Variants in THSD7B observed in about 807,000 individuals in gnomAD.
THSD7B encodes thrombospondin type-1 domain-containing protein 7B.
Under a neutral mutation model 213.6 loss-of-function variants are expected in THSD7B, and 138 were observed. The ratio of observed to expected loss-of-function variants is 0.65; its 90% CI spans 0.56 to 0.74. The LOEUF is 0.74. THSD7B is among the 30% of genes least tolerant of loss of function. The pLI is 0.00. For missense variants in THSD7B, 1,931 were observed against 1,991.5 expected, an observed-to-expected ratio of 0.97 and a Z score of 0.58; for synonymous variants, 742 against 687.0, an observed-to-expected ratio of 1.08 and a Z score of -1.25.
chr2:136,884,260 A>G (rs984826194), intron 2 of THSD7B, among the ~76,000 whole-genome samples: 1 of 152,248 alleles, frequency 6.6e-6, no homozygotes, highest in East Asian at 1.9e-4. Flanking sequence ...GTGTAAGGAC[A>G]GGAACAAGGG....
intron 15 of THSD7B, among the ~76,000 whole-genome samples, chr2:137,487,248 G>T (rs1196207588): frequency 6.8e-6 from 1 of 147,630 alleles, no homozygotes; most frequent in East Asian, 2.0e-4. Flanking sequence ...GGCGCCTGTA[G>T]TCCCAGCTAC....
chr2:137,015,469 C>A (rs1686321292), intron 2 of THSD7B, among the ~76,000 whole-genome samples: 1 of 152,122 alleles, frequency 6.6e-6, no homozygotes, highest in African/African-American at 2.4e-5. Context: ...GTCCCAGCAG[C>A]TTTCTGCTGC....
intron 2 of THSD7B, among the ~76,000 whole-genome samples, chr2:136,998,777 A>G (rs1270511668): frequency 6.6e-6 from 1 of 152,126 alleles, no homozygotes; most frequent in Non-Finnish European, 1.5e-5. Context: ...TCAAGTTCTG[A>G]GTCTAAAGTT....
chr2:136,798,249 AT>A (rs1424830768), intron 1 of THSD7B, among the ~76,000 whole-genome samples: 1 of 149,762 alleles, frequency 6.7e-6, no homozygotes, highest in Non-Finnish European at 1.5e-5. Context: ...AGCAACCCCT[AT>A]TTTATACATT....
chr2:137,077,471 A>C (rs1214312151), intron 3 of THSD7B, among the ~76,000 whole-genome samples: 7 of 152,072 alleles, frequency 4.6e-5, no homozygotes, highest in Non-Finnish European at 8.8e-5. Context: ...ATTTCTCCAC[A>C]TCCTCTCCAG....
intron 7 of THSD7B, among the ~76,000 whole-genome samples, chr2:137,196,422 C>T (rs1680764498): frequency 7.9e-6 from 1 of 125,880 alleles, no homozygotes; most frequent in Non-Finnish European, 1.6e-5. Context: ...CGTTTCGCAG[C>T]TAATCCAGGT....
At chr2:137,145,460 AC>A (rs1368543988) in intron 5 of THSD7B, among the ~76,000 whole-genome samples, 10 of 152,030 alleles carry the variant, frequency 6.6e-5, no homozygotes, top group African/African-American at 2.4e-4. Context: ...AAAGTGCCTT[AC>A]CATTATCTGT....
intron 5 of THSD7B, among the ~76,000 whole-genome samples, chr2:137,138,832 G>T (rs1024749873): frequency 3.3e-5 from 5 of 152,012 alleles, no homozygotes; most frequent in African/African-American, 1.2e-4. Context: ...TATCAAATTT[G>T]TTTCTTTTGA....
intron 23 of THSD7B, 36 bp from the exon 24 acceptor site, chr2:137,657,029 G>T: frequency 6.2e-7 from 1 of 1,613,060 alleles, no homozygotes; most frequent in Non-Finnish European, 8.5e-7. Context: ...TCTAAGTGAG[G>T]TGTAATAGAA....
intron 4 of THSD7B, among the ~76,000 whole-genome samples, chr2:137,108,501 G>A (rs985779540): frequency 1.3e-5 from 2 of 151,910 alleles, no homozygotes; most frequent in African/African-American, 2.4e-5. Flanking sequence ...TGATTCCTTC[G>A]GTGGGACAGC....
Position 137,096,312 on chromosome 2 carries a change from TG to T in THSD7B, c.1199+1192del, listed in dbSNP as rs376368425. On this transcript the variant is annotated intron_variant, in intron 4 of 27. Coordinates refer to ENST00000409968, the MANE Select transcript of THSD7B (RefSeq NM_001316349.2). ...TTTTCTGTATGAATTAGTGATTTGG[TG>T]ATGTGTGAAGGGTATGGGTTACTGA... is the stretch of plus-strand genomic sequence containing the variant. Among the ~76,000 whole-genome samples the T allele has an allele frequency of 2.0e-4, 30 of 152,170 alleles. No homozygotes were observed. The East Asian group carries it at 5.8e-3, about 29-fold the overall frequency.
At chr2:137,110,920 G>A (rs1330070647) in intron 4 of THSD7B, among the ~76,000 whole-genome samples, 1 of 152,168 alleles carries the variant, frequency 6.6e-6, no homozygotes, top group East Asian at 1.9e-4. Flanking sequence ...TTGGTAAATT[G>A]ACATGCTGTA....
chr2:137,017,214 C>G (rs1686357666), intron 2 of THSD7B, among the ~76,000 whole-genome samples: 1 of 150,174 alleles, frequency 6.7e-6, no homozygotes, highest in Non-Finnish European at 1.5e-5. Flanking sequence ...CTATTCTTAA[C>G]AAAAAAGAAA....
chr2:137,168,416 T>C (rs998810563), intron 6 of THSD7B, among the ~76,000 whole-genome samples: 1 of 152,092 alleles, frequency 6.6e-6, no homozygotes, highest in East Asian at 1.9e-4. Context: ...TGAACAGCGA[T>C]GTGTGATTAA....
chr2:137,263,804 A>G (rs547386791), intron 10 of THSD7B, among the ~76,000 whole-genome samples: 1 of 152,284 alleles, frequency 6.6e-6, no homozygotes, highest in African/African-American at 2.4e-5. Context: ...ACCAAGATGG[A>G]TAGGAAGGAA....
At chr2:137,445,884 A>G (rs1687526381) in intron 14 of THSD7B, among the ~76,000 whole-genome samples, 1 of 151,972 alleles carries the variant, frequency 6.6e-6, no homozygotes, top group African/African-American at 2.4e-5. Flanking sequence ...AATATATACA[A>G]CTATTATGTA....
intron 2 of THSD7B, among the ~76,000 whole-genome samples, chr2:137,055,899 C>T (rs936586654): frequency 6.6e-6 from 1 of 152,178 alleles, no homozygotes; most frequent in Non-Finnish European, 1.5e-5. Flanking sequence ...GGGTGTTAAA[C>T]ATATCTCTCT....
chr2:137,348,353 A>G (rs1280467624), intron 12 of THSD7B, among the ~76,000 whole-genome samples: 1 of 151,722 alleles, frequency 6.6e-6, no homozygotes, highest in Non-Finnish European at 1.5e-5. Context: ...GTTCATATTC[A>G]TGCTTTTTTG....
At chr2:137,449,264 T>C (rs1324468741) in intron 14 of THSD7B, among the ~76,000 whole-genome samples, 1 of 152,164 alleles carries the variant, frequency 6.6e-6, no homozygotes, top group Non-Finnish European at 1.5e-5. Context: ...TGTTTTAATA[T>C]AAGGATTTGT....
Sources: allele counts gnomAD v4.1 joint callset (sites outside exome capture counted in the v4.1 genomes callset), GRCh38; gene constraint gnomAD v4.1.1; transcripts MANE v1.5; gene names NCBI Gene and HGNC (gene_info 2026-07-23, HGNC 2026-07-21).